Variants in PTPRD observed in about 807,000 individuals in gnomAD.
PTPRD encodes receptor-type tyrosine-protein phosphatase delta.
PTPRD carries 34 observed loss-of-function variants against 214.5 expected under a neutral mutation model. The ratio of observed to expected loss-of-function variants is 0.16; its 90% CI spans 0.12 to 0.21. PTPRD has a LOEUF of 0.21. PTPRD is among the 10% of genes least tolerant of loss of function. The pLI is 1.00. For synonymous variants in PTPRD, 1,128 were observed against 845.7 expected, an observed-to-expected ratio of 1.33 and a Z score of -5.79; for missense variants, 2,545 against 2,398.7, an observed-to-expected ratio of 1.06 and a Z score of -1.27.
chr9:10,107,147 C>A (rs1271611636), intron 3 of PTPRD, among the ~76,000 whole-genome samples: 2 of 151,834 alleles, frequency 1.3e-5, no homozygotes, highest in Non-Finnish European at 2.9e-5. Context: ...AACATTAAGA[C>A]TAATGGGATA....
chr9:10,528,988 C>T (rs555799686), intron 2 of PTPRD, among the ~76,000 whole-genome samples: 15 of 151,850 alleles, frequency 9.9e-5, no homozygotes, highest in East Asian at 5.8e-4. Context: ...ATAGATGTGC[C>T]GGAAAAATTT....
chr9:8,759,645 T>G (rs573865528), intron 11 of PTPRD, among the ~76,000 whole-genome samples: 58 of 151,028 alleles, frequency 3.8e-4, no homozygotes, highest in Middle Eastern at 3.4e-3. Context: ...CTCATCAATC[T>G]TCTTTTCCTA....
intron 5 of PTPRD, among the ~76,000 whole-genome samples, chr9:9,824,587 C>T (rs138859042): frequency 1.3e-3 from 191 of 152,024 alleles, no homozygotes; most frequent in African/African-American, 4.5e-3. Flanking sequence ...ATGGTTAGAT[C>T]ACTTTGTGAG....
At chr9:10,015,056 C>G (rs1370198939) in intron 4 of PTPRD, among the ~76,000 whole-genome samples, 1 of 152,054 alleles carries the variant, frequency 6.6e-6, no homozygotes, top group Non-Finnish European at 1.5e-5. Context: ...TTTCTGAAGA[C>G]AAGTGTCTTA....
intron 3 of PTPRD, among the ~76,000 whole-genome samples, chr9:10,334,902 T>C (rs1205599154): frequency 1.3e-5 from 2 of 151,670 alleles, no homozygotes; most frequent in African/African-American, 4.8e-5. Flanking sequence ...GTATGTGATA[T>C]ACATGATACA....
intron 4 of PTPRD, among the ~76,000 whole-genome samples, chr9:9,940,470 A>G (rs1482604902): frequency 6.6e-6 from 1 of 152,182 alleles, no homozygotes; most frequent in Admixed American, 6.5e-5. Context: ...ACTCTTATGC[A>G]TACTTAATGG....
chr9:8,380,037 A>G (rs2084500590), intron 37 of PTPRD, among the ~76,000 whole-genome samples: 1 of 152,100 alleles, frequency 6.6e-6, no homozygotes, highest in Non-Finnish European at 1.5e-5. Context: ...GCATTCAACA[A>G]ACACTAGCTA....
rs577195450 is a variant in PTPRD, at chr9:9,382,585, C to T, written c.-203+14864G>A. The stretch of plus-strand genomic sequence containing the variant: ...CAAGGCATATTAAAAGATGCAAAAT[C>T]AAAATGAAAAATGAGATATCACTTC... On this transcript the variant is annotated intron_variant, in intron 9 of 45. Coordinates refer to ENST00000381196, the MANE Select transcript of PTPRD (RefSeq NM_002839.4). 2.0e-5 allele frequency among the ~76,000 whole-genome samples: 3 copies of T among 151,780 alleles called. No individual in the cohort carries two copies. In the East Asian group the frequency reaches 5.8e-4, roughly 29 times the overall value.
At chr9:9,393,528 T>C (rs939056659) in intron 9 of PTPRD, among the ~76,000 whole-genome samples, 2 of 152,174 alleles carry the variant, frequency 1.3e-5, no homozygotes, top group African/African-American at 4.8e-5. Flanking sequence ...GAGATCCCTA[T>C]TGACACTTAT....
intron 6 of PTPRD, among the ~76,000 whole-genome samples, chr9:9,760,785 A>G (rs1565057033): frequency 6.6e-6 from 1 of 152,188 alleles, no homozygotes; most frequent in Non-Finnish European, 1.5e-5. Flanking sequence ...GAGTAACCAC[A>G]TGAAAAGACG....
At chr9:8,673,158 A>G (rs1348134233) in intron 12 of PTPRD, among the ~76,000 whole-genome samples, 1 of 151,726 alleles carries the variant, frequency 6.6e-6, no homozygotes, top group Non-Finnish European at 1.5e-5. Context: ...ATATCAGATC[A>G]TCTCTCAAAG....
At chr9:10,364,004 T>TTTTTTTTTTG (rs2097456759) in intron 2 of PTPRD, among the ~76,000 whole-genome samples, 1 of 130,074 alleles carries the variant, frequency 7.7e-6, no homozygotes, top group East Asian at 2.4e-4. Flanking sequence ...TTTTTTTTTT[T>TTTTTTTTTTG]TTTTTTTTTT....
At chr9:10,564,033 T>A (rs2064837025) in intron 2 of PTPRD, among the ~76,000 whole-genome samples, 1 of 151,766 alleles carries the variant, frequency 6.6e-6, no homozygotes. Context: ...TGAGAAAGGA[T>A]CTTGCTCTGT....
intron 2 of PTPRD, among the ~76,000 whole-genome samples, chr9:10,576,725 T>C (rs1244476814): frequency 6.6e-6 from 1 of 152,174 alleles, no homozygotes. Context: ...CAATATGCCA[T>C]ATGTTCAATA....
intron 7 of PTPRD, among the ~76,000 whole-genome samples, chr9:9,720,652 C>T (rs2097919126): frequency 6.6e-6 from 1 of 151,992 alleles, no homozygotes; most frequent in South Asian, 2.1e-4. Context: ...TGCATTGAGA[C>T]AGTGCAAAAA....
chr9:9,978,099 A>AACACACACACAC (rs1382536291), intron 4 of PTPRD, among the ~76,000 whole-genome samples: 11 of 51,104 alleles, frequency 2.2e-4, no homozygotes, highest in Non-Finnish European at 4.2e-4. Context: ...CCAAAATTAA[A>AACACACACACAC]ACACACACAC....
intron 9 of PTPRD, among the ~76,000 whole-genome samples, chr9:9,188,288 T>C (rs947599649): frequency 6.6e-6 from 1 of 152,078 alleles, no homozygotes; most frequent in African/African-American, 2.4e-5. Flanking sequence ...CTGATGGACA[T>C]TGGGTAATTT....
In PTPRD at chr9:9,984,105, GATT is replaced by G. The variant is rs1006545963; in HGVS notation, c.-471-45498_-471-45496del. On this transcript the variant is annotated intron_variant, in intron 4 of 45. Coordinates refer to ENST00000381196, the MANE Select transcript of PTPRD (RefSeq NM_002839.4). ...GTTTTTTCTCATTTTAAAAAATCAT[GATT>G]ATTACAAAAAATTTTAAATATAAGT... Among the ~76,000 whole-genome samples the G allele has an allele frequency of 6.6e-5, 10 of 151,826 alleles. No individual in the cohort carries two copies. The East Asian group carries it at 7.7e-4, about 12-fold the overall frequency.
At chr9:10,044,648 C>T (rs1300788985) in intron 3 of PTPRD, among the ~76,000 whole-genome samples, 2 of 151,642 alleles carry the variant, frequency 1.3e-5, no homozygotes, top group Non-Finnish European at 3.0e-5. Flanking sequence ...TAATATCATA[C>T]ACAATACACA....
Sources: allele counts gnomAD v4.1 joint callset (sites outside exome capture counted in the v4.1 genomes callset), GRCh38; gene constraint gnomAD v4.1.1; transcripts MANE v1.5; gene names NCBI Gene and HGNC (gene_info 2026-07-23, HGNC 2026-07-21).